The following THSD7A variants were observed in gnomAD, a reference collection of about 807,000 sequenced individuals.
The protein encoded by THSD7A is thrombospondin type 1 domain containing 7A.
In THSD7A, 96 loss-of-function variants were observed where a neutral mutation model predicts 231.3. The observed-to-expected ratio is 0.41, with a 90% CI of 0.35 to 0.49. The LOEUF is 0.49. Ranked by LOEUF, THSD7A falls within the 20% of genes least tolerant of loss-of-function variation. THSD7A has a pLI of 0.05. For missense variants in THSD7A, 2,290 were observed against 2,070.2 expected (o/e 1.11, Z -2.06); for synonymous variants, 940 against 743.3 (o/e 1.26, Z -4.30).
intron 4 of THSD7A, among the ~76,000 whole-genome samples, chr7:11,585,986 G>C (rs1178177187): frequency 1.3e-5 from 2 of 152,046 alleles, no homozygotes; most frequent in Non-Finnish European, 2.9e-5. Context: ...CATTATTTGA[G>C]GACCTGCCGT....
chr7:11,720,621 A>G (rs921246258), intron 1 of THSD7A, among the ~76,000 whole-genome samples: 1 of 151,378 alleles, frequency 6.6e-6, no homozygotes, highest in African/African-American at 2.4e-5. Flanking sequence ...TGCTTTTTTC[A>G]TTTTCTTTTT....
At chr7:11,467,401 A>G (rs529632845) in intron 9 of THSD7A, among the ~76,000 whole-genome samples, 1 of 152,294 alleles carries the variant, frequency 6.6e-6, no homozygotes, top group Non-Finnish European at 1.5e-5. Flanking sequence ...GTTAAATGCA[A>G]TTAAAAGCTT....
intron 1 of THSD7A, among the ~76,000 whole-genome samples, chr7:11,812,105 TTG>T (rs34130500): frequency 0.59 from 78,087 of 133,218 alleles, 21,904 homozygotes; most frequent in Middle Eastern, 0.68. Flanking sequence ...GAAAAGAAAA[TTG>T]TGTGTGTGTG....
chr7:11,745,238 C>T (rs933351396), intron 1 of THSD7A, among the ~76,000 whole-genome samples: 1 of 152,048 alleles, frequency 6.6e-6, no homozygotes, highest in Non-Finnish European at 1.5e-5. Flanking sequence ...GCATAAATGT[C>T]TTCTTCTGAG....
intron 1 of THSD7A, among the ~76,000 whole-genome samples, chr7:11,745,933 T>C (rs1782284908): frequency 6.6e-6 from 1 of 152,126 alleles, no homozygotes; most frequent in East Asian, 1.9e-4. Context: ...TGCAGGCTCT[T>C]TTTTGGTTCC....
At position 11,521,460 on chromosome 7, in the gene THSD7A, CTTTTT is replaced by C. The variant is rs1247337436; in HGVS notation, c.1822+19954_1822+19958del. ...TAGGGCACTGAGACAGGGCCACATT[CTTTTT>C]TATTTTTTTATTTTATTTATTTATT... On this transcript the variant is annotated intron_variant, in intron 6 of 27. Coordinates refer to ENST00000423059, the MANE Select transcript of THSD7A (RefSeq NM_015204.3). Among the ~76,000 whole-genome samples, 70 of 143,708 alleles carry C rather than the reference CTTTTT, an allele frequency of 4.9e-4. 14 individuals are homozygous for C. The highest frequency in any genetic ancestry group is 1.9e-3 in the African/African-American group (69 of 36,886). The allele number at this position is 143,708 out of a possible 152,430, so 94.3% of individuals were successfully genotyped here.
chr7:11,615,148 T>C (rs1261894049), intron 2 of THSD7A, among the ~76,000 whole-genome samples: 1 of 152,192 alleles, frequency 6.6e-6, no homozygotes. Context: ...GAGTTCCACA[T>C]GTGGCCTAAG....
intron 6 of THSD7A, among the ~76,000 whole-genome samples, chr7:11,524,108 G>A (rs1186128162): frequency 2.6e-5 from 4 of 152,004 alleles, no homozygotes; most frequent in Non-Finnish European, 4.4e-5. Flanking sequence ...CCATCAATTT[G>A]TATTTCTTTA....
chr7:11,642,711 G>C (rs1472766614), intron 1 of THSD7A, among the ~76,000 whole-genome samples: 2 of 152,058 alleles, frequency 1.3e-5, no homozygotes, highest in Non-Finnish European at 2.9e-5. Flanking sequence ...TTAAATGAAT[G>C]CTACTTGGCT....
At chr7:11,469,088 T>C (rs1447470275) in intron 9 of THSD7A, among the ~76,000 whole-genome samples, 1 of 152,104 alleles carries the variant, frequency 6.6e-6, no homozygotes, top group Non-Finnish European at 1.5e-5. Context: ...ATCTCTCTAG[T>C]AAGTGTTAAG....
intron 1 of THSD7A, among the ~76,000 whole-genome samples, chr7:11,778,049 T>C (rs12539431): frequency 2.1e-5 from 3 of 143,218 alleles, no homozygotes; most frequent in East Asian, 2.0e-4. Context: ...CCCAGCTACT[T>C]GGGAGGCTGA....
At chr7:11,553,151 C>G (rs1438262992) in intron 4 of THSD7A, among the ~76,000 whole-genome samples, 1 of 152,062 alleles carries the variant, frequency 6.6e-6, no homozygotes, top group African/African-American at 2.4e-5. Context: ...TTGAGGTTTG[C>G]TCAGCTGCTA....
intron 6 of THSD7A, chr7:11,520,070 A>T (rs1307136432): frequency 2.0e-5 from 3 of 152,150 alleles, no homozygotes; most frequent in African/African-American, 4.8e-5. Context: ...GTATCCTGAG[A>T]AACCGAATTA....
intron 6 of THSD7A, among the ~76,000 whole-genome samples, chr7:11,491,065 A>C (rs1037655562): frequency 1.3e-5 from 2 of 152,030 alleles, no homozygotes; most frequent in African/African-American, 4.8e-5. Flanking sequence ...TGATGTACTT[A>C]ATCATTTTTT....
intron 3 of THSD7A, among the ~76,000 whole-genome samples, chr7:11,592,290 G>T (rs936415974): frequency 1.7e-4 from 26 of 152,176 alleles, no homozygotes; most frequent in Non-Finnish European, 3.5e-4. Flanking sequence ...TATAGGAATA[G>T]TAGTAGTAGT....
chr7:11,459,731 G>T (rs546153421), intron 11 of THSD7A, among the ~76,000 whole-genome samples: 1 of 81,930 alleles, frequency 1.2e-5, no homozygotes, highest in East Asian at 3.3e-4. Flanking sequence ...TTCTTAAAAA[G>T]GCAGTTTTTT....
intron 13 of THSD7A, among the ~76,000 whole-genome samples, chr7:11,437,179 G>C (rs1482631239): frequency 6.6e-6 from 1 of 152,040 alleles, no homozygotes; most frequent in African/African-American, 2.4e-5. Flanking sequence ...ATGATATGAA[G>C]TAGTAGATGA....
intron 6 of THSD7A, among the ~76,000 whole-genome samples, chr7:11,524,133 T>A (rs1228270555): frequency 6.6e-6 from 1 of 152,306 alleles, no homozygotes; most frequent in South Asian, 2.1e-4. Context: ...AATGTTCTTA[T>A]ATGTTTAGTA....
At chr7:11,778,432 A>G (rs1188113526) in intron 1 of THSD7A, among the ~76,000 whole-genome samples, 1 of 152,086 alleles carries the variant, frequency 6.6e-6, no homozygotes, top group Non-Finnish European at 1.5e-5. Flanking sequence ...TTTCATATAT[A>G]TTTTTAATGA....
Sources: allele counts gnomAD v4.1 joint callset (sites outside exome capture counted in the v4.1 genomes callset), GRCh38; gene constraint gnomAD v4.1.1; transcripts MANE v1.5; gene names NCBI Gene and HGNC (gene_info 2026-07-23, HGNC 2026-07-21).